TCF7L2: variants seen among roughly 807,000 people sequenced by gnomAD.
TCF7L2 encodes the protein transcription factor 7 like 2.
Under a neutral mutation model 77.9 loss-of-function variants are expected in TCF7L2, and 23 were observed. That is an observed-to-expected ratio of 0.30 (90% confidence interval 0.21 to 0.42). The LOEUF is 0.42. Among genes scored for constraint, TCF7L2 ranks in the 10% least tolerant of loss-of-function variants. The pLI, the probability that TCF7L2 is intolerant of heterozygous loss-of-function variation, is 1.00. For synonymous variants in TCF7L2, 413 were observed against 340.2 expected, an observed-to-expected ratio of 1.21 and a Z score of -2.36; for missense variants, 654 against 793.1, an observed-to-expected ratio of 0.82 and a Z score of 2.11.
chr10:113,000,694 G>A (rs2044306490), intron 4 of TCF7L2, among the ~76,000 whole-genome samples: 2 of 152,140 alleles, frequency 1.3e-5, no homozygotes, highest in South Asian at 2.1e-4. Flanking sequence ...GCCATCTCAC[G>A]GGCCCGGAGG....
chr10:113,054,000 G>C (rs114802565), intron 5 of TCF7L2, among the ~76,000 whole-genome samples: 2 of 151,676 alleles, frequency 1.3e-5, no homozygotes, highest in Non-Finnish European at 2.9e-5. Context: ...ACATACAGGC[G>C]GGGAGAGGCA....
At chr10:113,032,466 A>G (rs1320367989) in intron 4 of TCF7L2, among the ~76,000 whole-genome samples, 1 of 152,222 alleles carries the variant, frequency 6.6e-6, no homozygotes, top group East Asian at 1.9e-4. Context: ...AAAACAATTC[A>G]GTGTTTGTCC....
At chr10:113,112,148 T>C (rs1471484154) in intron 5 of TCF7L2, among the ~76,000 whole-genome samples, 2 of 152,236 alleles carry the variant, frequency 1.3e-5, no homozygotes, top group Non-Finnish European at 2.9e-5. Context: ...AGGGCTCTTC[T>C]GGAGAGAGGA....
At chr10:113,058,712 G>A (rs771319020) in intron 5 of TCF7L2, among the ~76,000 whole-genome samples, 8 of 151,938 alleles carry the variant, frequency 5.3e-5, no homozygotes, top group Non-Finnish European at 7.4e-5. Context: ...GTGTGTGTGC[G>A]TGTGTGTGCG....
At chr10:113,113,346 C>T (rs1358292344) in intron 5 of TCF7L2, among the ~76,000 whole-genome samples, 1 of 152,178 alleles carries the variant, frequency 6.6e-6, no homozygotes, top group African/African-American at 2.4e-5. Context: ...ACCAAAGCAA[C>T]TTGATGTCCT....
At chr10:113,033,594 C>A (rs2050628167) in intron 4 of TCF7L2, among the ~76,000 whole-genome samples, 1 of 152,248 alleles carries the variant, frequency 6.6e-6, no homozygotes, top group East Asian at 1.9e-4. Flanking sequence ...CAGAGTCTAC[C>A]CAACCTTCTG....
At chr10:113,062,396 A>G (rs563966920) in intron 5 of TCF7L2, among the ~76,000 whole-genome samples, 15 of 152,290 alleles carry the variant, frequency 9.8e-5, no homozygotes, top group Admixed American at 4.6e-4. Context: ...GCTACGAGGA[A>G]ATGGACCACA....
intron 5 of TCF7L2, among the ~76,000 whole-genome samples, chr10:113,114,472 T>C (rs1433137466): frequency 1.3e-5 from 2 of 152,112 alleles, no homozygotes; most frequent in Non-Finnish European, 2.9e-5. Flanking sequence ...GAGTCAATGG[T>C]GTGTGGGCTT....
intron 5 of TCF7L2, among the ~76,000 whole-genome samples, chr10:113,109,270 C>T (rs547081336): frequency 2.5e-4 from 38 of 152,304 alleles, no homozygotes; most frequent in African/African-American, 4.6e-4. Context: ...CTGCCACTTA[C>T]GGTGTTATCT....
intron 3 of TCF7L2, among the ~76,000 whole-genome samples, chr10:112,956,050 T>C (rs2033489888): frequency 6.6e-6 from 1 of 152,074 alleles, no homozygotes; most frequent in Non-Finnish European, 1.5e-5. Context: ...AACTAGAAGG[T>C]ATCTAAGAGG....
rs1175692600 is a variant in TCF7L2, at chr10:113,165,411, A to G, written c.1392-144A>G. The G allele has an allele frequency of 6.9e-6, 6 of 866,434 alleles. No individual in the cohort carries two copies. The Admixed American group carries it at 9.2e-5, about 13-fold the overall frequency. The allele number at this position is 866,434 out of a possible 1,614,324, so 53.7% of individuals were successfully genotyped here. On this transcript the variant is annotated intron_variant, in intron 13 of 13. Coordinates refer to ENST00000627217, the MANE Select transcript of TCF7L2 (RefSeq NM_001146274.2). ...AAGCGACCCACCCTGGGGGGGCGCC[A>G]CTGTAATTGTCCTCGGACCACTGGG...
chr10:112,979,425 C>T (rs2040059250), intron 4 of TCF7L2, among the ~76,000 whole-genome samples: 1 of 152,144 alleles, frequency 6.6e-6, no homozygotes, highest in Admixed American at 6.5e-5. Context: ...CACTTTCTGG[C>T]GTTCTCCAAG....
rs536620858 is a variant in TCF7L2 at position 112,965,031 on chromosome 10, A to G, written c.450+407A>G. 5.2e-4 allele frequency among the ~76,000 whole-genome samples: 79 copies of G among 152,050 alleles called. 1 individual carries two copies. Among genetic ancestry groups the G allele is most frequent in the Non-Finnish European group, 1.0e-3 (70 of 68,014 alleles). On this transcript the variant is annotated intron_variant, in intron 4 of 13. Coordinates refer to ENST00000627217, the MANE Select transcript of TCF7L2 (RefSeq NM_001146274.2). Reference sequence around the variant, plus strand: ...ATTGGGAGTAAAACGGGGTGGCACAATGTGAATGGGAAGGCTTAAGGGGAG... The same window carrying G: ...ATTGGGAGTAAAACGGGGTGGCACAGTGTGAATGGGAAGGCTTAAGGGGAG...
At chr10:113,141,597 C>T (rs1474853034) in intron 6 of TCF7L2, among the ~76,000 whole-genome samples, 1 of 152,172 alleles carries the variant, frequency 6.6e-6, no homozygotes, top group Non-Finnish European at 1.5e-5. Flanking sequence ...GTCTTGGGAA[C>T]CTGGCTATGA....
intron 5 of TCF7L2, chr10:113,130,120 A>G: frequency 1.3e-6 from 1 of 741,234 alleles, no homozygotes; most frequent in East Asian, 1.1e-4. Flanking sequence ...AAAACAAAAC[A>G]AGAATAAATG....
At chr10:112,969,532 T>A (rs1404211677) in intron 4 of TCF7L2, among the ~76,000 whole-genome samples, 1 of 152,230 alleles carries the variant, frequency 6.6e-6, no homozygotes, top group Admixed American at 6.5e-5. Context: ...GGGGTAAATG[T>A]GTGTTTAGTC....
At chr10:113,052,514 C>T (rs1201074345) in intron 5 of TCF7L2, among the ~76,000 whole-genome samples, 1 of 152,232 alleles carries the variant, frequency 6.6e-6, no homozygotes, top group Non-Finnish European at 1.5e-5. Context: ...CATTTAAAAA[C>T]TTGTTCCAAA....
At chr10:113,048,030 G>A (rs2053763094) in intron 5 of TCF7L2, among the ~76,000 whole-genome samples, 1 of 152,176 alleles carries the variant, frequency 6.6e-6, no homozygotes, top group South Asian at 2.1e-4. Flanking sequence ...AGTTTCTTTA[G>A]GGCAGGATCT....
chr10:113,040,667 C>A (rs796952838), intron 5 of TCF7L2, among the ~76,000 whole-genome samples: 1 of 152,110 alleles, frequency 6.6e-6, no homozygotes, highest in East Asian at 1.9e-4. Context: ...GGAATTTAAT[C>A]TATACATCCA....
Sources: gnomAD v4.1 joint callset for allele counts (sites outside exome capture counted in the v4.1 genomes callset) on GRCh38, gnomAD v4.1.1 for gene constraint, MANE v1.5 for transcripts, NCBI Gene and HGNC (gene_info 2026-07-23, HGNC 2026-07-21) for gene names.